Variants in NTN4 observed in about 807,000 individuals in gnomAD.
The protein encoded by NTN4 is netrin-4.
Under a neutral mutation model 73.6 loss-of-function variants are expected in NTN4, and 32 were observed. The observed-to-expected ratio is 0.44, with a 90% CI of 0.33 to 0.58. The LOEUF (loss-of-function observed/expected upper bound fraction) is 0.58, where lower values mean the gene tolerates loss of function less well. Ranked by LOEUF, NTN4 falls within the 20% of genes least tolerant of loss-of-function variation. The pLI is 0.04. For missense variants in NTN4, 654 were observed against 798.3 expected, an observed-to-expected ratio of 0.82 and a Z score of 2.18; for synonymous variants, 258 against 287.5, an observed-to-expected ratio of 0.90 and a Z score of 1.04.
intron 5 of NTN4, among the ~76,000 whole-genome samples, chr12:95,698,731 C>T (rs929953914): frequency 5.3e-5 from 8 of 152,064 alleles, no homozygotes; most frequent in African/African-American, 1.9e-4. Context: ...ATGGCACATG[C>T]CTGTAGTCCC....
chr12:95,731,437 G>C (rs2078736440), intron 3 of NTN4, among the ~76,000 whole-genome samples: 1 of 152,044 alleles, frequency 6.6e-6, no homozygotes, highest in South Asian at 2.1e-4. Context: ...GTGGTAGTGG[G>C]CAACTGTAAT....
chr12:95,775,460 G>A (rs1438096697), intron 2 of NTN4, among the ~76,000 whole-genome samples: 1 of 152,224 alleles, frequency 6.6e-6, no homozygotes, highest in Non-Finnish European at 1.5e-5. Context: ...GATGGCACCT[G>A]GAAAATCGGG....
intron 5 of NTN4, among the ~76,000 whole-genome samples, chr12:95,688,779 G>GAAA (rs3047215): frequency 2.2e-4 from 30 of 138,954 alleles, no homozygotes; most frequent in South Asian, 4.6e-4. Context: ...AGAAGGAGGA[G>GAAA]AAAAAAAAAA....
At chr12:95,771,327 A>T (rs994083007) in intron 2 of NTN4, among the ~76,000 whole-genome samples, 3 of 152,102 alleles carry the variant, frequency 2.0e-5, no homozygotes, top group Non-Finnish European at 1.5e-5. Context: ...GTGTATGCAA[A>T]CTGCCTGGCA....
At chr12:95,748,909 G>A (rs2078882445) in intron 2 of NTN4, among the ~76,000 whole-genome samples, 2 of 152,202 alleles carry the variant, frequency 1.3e-5, no homozygotes, top group Non-Finnish European at 1.5e-5. Context: ...CCTGTGACTT[G>A]CACATATACG....
chr12:95,746,750 C>T (rs540111912), intron 2 of NTN4, among the ~76,000 whole-genome samples: 3 of 152,174 alleles, frequency 2.0e-5, no homozygotes, highest in East Asian at 1.9e-4. Context: ...GGAAATCCAT[C>T]GAGCTCTATC....
rs56063223 is a variant in NTN4, at chr12:95,700,080, A to ATTTTTTTTTTTT, written c.1180+10349_1180+10360dup. On this transcript the variant is annotated intron_variant, in intron 5 of 9. Transcript: ENST00000343702. ...AACAGTGTATTCTTCTAAAGTGAGG[A>ATTTTTTTTTTTT]TTTTTTTTTTTTTTTTTTTTTTTTT... Among the ~76,000 whole-genome samples the ATTTTTTTTTTTT allele has an allele frequency of 2.0e-3, 84 of 41,818 alleles. 15 individuals are homozygous for ATTTTTTTTTTTT. Among genetic ancestry groups the ATTTTTTTTTTTT allele is most frequent in the Non-Finnish European group, 3.0e-3 (71 of 23,308 alleles). 27.4% of individuals were successfully genotyped at this position (41,818 alleles called of 152,430 possible).
rs528165579 is a variant in NTN4, at chr12:95,750,219, G to A, written c.586-12075C>T. 6.7e-4 allele frequency among the ~76,000 whole-genome samples: 78 copies of A among 116,630 alleles called. 1 individual carries two copies. Among genetic ancestry groups the A allele is most frequent in the Middle Eastern group, 4.5e-3 (1 of 224 alleles). The allele number at this position is 116,630 out of a possible 152,430, so 76.5% of individuals were successfully genotyped here. A position where few individuals can be genotyped will look rare whatever the true frequency, so the allele number is the denominator to read the frequency against. On this transcript the variant is annotated intron_variant, in intron 2 of 9. Coordinates refer to ENST00000343702, the MANE Select transcript of NTN4 (RefSeq NM_021229.4). Reference sequence around the variant, plus strand: ...TTTCTGTGCCCCATCCCTTATTTCCGTGCCCCGACCTCTTATCTCTGCGCC... The same window carrying A: ...TTTCTGTGCCCCATCCCTTATTTCCATGCCCCGACCTCTTATCTCTGCGCC...
chr12:95,671,705 G>A (rs2078231583), intron 7 of NTN4, among the ~76,000 whole-genome samples: 1 of 152,112 alleles, frequency 6.6e-6, no homozygotes, highest in African/African-American at 2.4e-5. Flanking sequence ...CAGATATATA[G>A]CATTCTCATA....
chr12:95,783,674 C>T (rs1403048627), intron 2 of NTN4, among the ~76,000 whole-genome samples: 1 of 152,192 alleles, frequency 6.6e-6, no homozygotes, highest in African/African-American at 2.4e-5. Context: ...AGCTCTGTCA[C>T]GTAACTAATG....
intron 5 of NTN4, among the ~76,000 whole-genome samples, chr12:95,691,206 A>G (rs2078399064): frequency 6.6e-6 from 1 of 152,236 alleles, no homozygotes; most frequent in African/African-American, 2.4e-5. Context: ...TCCAAAATGC[A>G]AACATATTTT....
chr12:95,774,418 G>C (rs538714384), intron 2 of NTN4, among the ~76,000 whole-genome samples: 26 of 152,272 alleles, frequency 1.7e-4, no homozygotes, highest in African/African-American at 5.8e-4. Flanking sequence ...GGGAGCACCT[G>C]GCAGGTGGGA....
At chr12:95,721,323 A>C (rs1392877278) in intron 3 of NTN4, among the ~76,000 whole-genome samples, 1 of 152,206 alleles carries the variant, frequency 6.6e-6, no homozygotes, top group African/African-American at 2.4e-5. Flanking sequence ...GAAGCCAAGC[A>C]GTTTTGAAGA....
intron 2 of NTN4, among the ~76,000 whole-genome samples, chr12:95,751,754 G>A (rs1383272690): frequency 4.7e-5 from 7 of 148,636 alleles, no homozygotes; most frequent in Non-Finnish European, 7.4e-5. Flanking sequence ...TAATCTATAC[G>A]GAGGCTACCC....
At chr12:95,762,085 T>C (rs947968881) in intron 2 of NTN4, among the ~76,000 whole-genome samples, 1 of 152,192 alleles carries the variant, frequency 6.6e-6, no homozygotes, top group African/African-American at 2.4e-5. Context: ...GGCAATTAAC[T>C]TGATGTTAAA....
intron 2 of NTN4, among the ~76,000 whole-genome samples, chr12:95,780,607 T>C (rs1456761506): frequency 6.6e-6 from 1 of 152,076 alleles, no homozygotes; most frequent in Non-Finnish European, 1.5e-5. Flanking sequence ...TGAGATACCA[T>C]CTCACACCAG....
chr12:95,678,421 A>G (rs983445418), intron 7 of NTN4, among the ~76,000 whole-genome samples: 1 of 152,088 alleles, frequency 6.6e-6, no homozygotes, highest in African/African-American at 2.4e-5. Flanking sequence ...TTGATAGATT[A>G]CAGGAGGAAA....
intron 5 of NTN4, among the ~76,000 whole-genome samples, chr12:95,687,330 G>T (rs549742589): frequency 1.3e-5 from 2 of 152,150 alleles, no homozygotes; most frequent in South Asian, 2.1e-4. Context: ...TAACAAGTTT[G>T]CAGCCTTAAA....
At chr12:95,680,276 A>C (rs557250486) in intron 7 of NTN4, among the ~76,000 whole-genome samples, 1 of 152,268 alleles carries the variant, frequency 6.6e-6, no homozygotes, top group Non-Finnish European at 1.5e-5. Context: ...TGAATGAATA[A>C]ATTTATAAAG....
Sources: allele counts gnomAD v4.1 joint callset (sites outside exome capture counted in the v4.1 genomes callset), GRCh38; gene constraint gnomAD v4.1.1; transcripts MANE v1.5; gene names NCBI Gene and HGNC (gene_info 2026-07-23, HGNC 2026-07-21).